Variants in WDR81 observed in about 807,000 individuals in gnomAD.
The protein encoded by WDR81 is WD repeat domain 81, also known as WD repeat-containing protein 81.
Under a neutral mutation model 140.8 loss-of-function variants are expected in WDR81, and 92 were observed. The ratio of observed to expected loss-of-function variants is 0.65; its 90% confidence interval spans 0.55 to 0.78. WDR81 has a LOEUF of 0.78. Among genes scored for constraint, WDR81 ranks in the 30% least tolerant of loss-of-function variants. WDR81 has a pLI of 0.00. For missense variants in WDR81, 2,502 were observed against 2,636.4 expected (o/e 0.95, Z 1.12); for synonymous variants, 1,183 against 1,156.4 (o/e 1.02, Z -0.47).
rs771130925 is a variant in WDR81 at position 1,725,380 on chromosome 17, G to T, written c.421G>T (p.Glu141Ter). 6.5e-7 allele frequency: 1 copy of T among 1,549,534 alleles called. No homozygotes were observed. The highest frequency in any genetic ancestry group is 8.7e-7 in the Non-Finnish European group (1 of 1,146,992). ...TGAGACCCTCACTCGCTTCATGCAG[G>T]AGGTTGCCGCCCAGAATTATCGCAA... ...GPETLTRFMQ[E>*]VAAQNYRNLW... The change falls in exon 1 of 10, where the codon GAG (glutamate) becomes TAG (stop). Residue 141 changes from glutamate to a stop codon, truncating the protein, a stop_gained. Transcript: ENST00000409644. LOFTEE classifies it high-confidence loss of function.
Position 1,725,693 on chromosome 17 carries a change from T to C in WDR81, c.734T>C (p.Val245Ala), listed in dbSNP as rs1376058908. Residue 245 changes from valine (V) to alanine (A), a missense_variant, in exon 1 of 10, where the codon GTG becomes GCG. Val to Ala is a moderately conservative substitution (Grantham distance 64). Around this residue, in one of 3 missense-constraint regions of WDR81, gnomAD observed 547 missense variants for 513.8 expected, o/e 1.06. Coordinates refer to ENST00000409644, the MANE Select transcript of WDR81 (RefSeq NM_001163809.2). The part of the protein sequence containing the change: ...HPYVQFSLHD[V>A]VTFSPAKLTN... ...TACGTACAGTTCTCCCTACATGACG[T>C]GGTCACCTTCAGCCCTGCCAAGCTG... 1.9e-6 allele frequency: 3 copies of C among 1,549,526 alleles called. No homozygotes were observed. Among genetic ancestry groups the C allele is most frequent in the Admixed American group, 2.0e-5 (1 of 50,996 alleles).
At position 1,732,369 on chromosome 17, in the gene WDR81, C is replaced by T. The variant is rs1904423654; in HGVS notation, c.4202C>T (p.Thr1401Ile). 6.2e-7 allele frequency: 1 copy of T among 1,613,622 alleles called. No individual in the cohort carries two copies. Among genetic ancestry groups the T allele is most frequent in the Non-Finnish European group, 8.5e-7 (1 of 1,180,030 alleles). ...GCTCGGACCATCCTGTGTGTGAAAA[C>T]CATCAGCCTCATCGCCCTCATCTGC... ...AQARTILCVK[T>I]ISLIALICLR... Residue 1401 changes from threonine to isoleucine, a missense_variant, in exon 5 of 10, where the codon ACC becomes ATC. By Grantham distance (89) the Thr-to-Ile change is moderately conservative. This residue lies in a region of WDR81 where 1,737 missense variants were observed against 1,843.0 expected (regional missense o/e 0.94). Coordinates refer to ENST00000409644, the MANE Select transcript of WDR81 (RefSeq NM_001163809.2).
Position 1,727,413 on chromosome 17 carries a change from G to A in WDR81, c.2454G>A (p.Leu818=). ...TRHPKEVPVS[L]QPVLDTLLQM... ...ACCCCAAGGAGGTCCCTGTGTCTTT[G>A]CAGCCCGTGCTGGACACACTCCTGC... The change falls in exon 1 of 10, where the codon TTG becomes TTA. Residue 818 remains leucine (L), a synonymous_variant. Transcript: ENST00000409644. 1.3e-6 allele frequency: 2 copies of A among 1,550,360 alleles called. No homozygotes were observed. The highest frequency in any genetic ancestry group is 1.7e-6 in the Non-Finnish European group (2 of 1,146,980).
At chr17:1,717,990 T>C (rs1411436452) in intron 1 of WDR81, among the ~76,000 whole-genome samples, 1 of 151,932 alleles carries the variant, frequency 6.6e-6, no homozygotes, top group Non-Finnish European at 1.5e-5. Flanking sequence ...AAACTTGGGG[T>C]TCAGAACGCT....
chr17:1,720,842 G>C (rs1402414479), upstream of WDR81, among the ~76,000 whole-genome samples: 1 of 151,808 alleles, frequency 6.6e-6, no homozygotes, highest in African/African-American at 2.4e-5. Flanking sequence ...GCCAGGGTTT[G>C]AGGCCCCAGG....
At position 1,724,786 on chromosome 17, in the gene WDR81, G is replaced by T. The variant is rs1444761907; in HGVS notation, c.-174G>T. ...GCCCGGAGCGCAGGACCCGCGGAGG[G>T]GTAAGCGCGCCCCCCGTCCGCCTCT... On this transcript the variant is annotated 5_prime_UTR_variant, in exon 1 of 10. Coordinates refer to ENST00000409644, the MANE Select transcript of WDR81 (RefSeq NM_001163809.2). 11 of 1,175,314 alleles carry T rather than the reference G, an allele frequency of 9.4e-6. No individual in the cohort carries two copies. In the African/African-American group the frequency reaches 1.4e-4, roughly 15 times the overall value. 72.8% of individuals were successfully genotyped at this position (1,175,314 alleles called of 1,614,324 possible).
At chr17:1,717,129 C>CA (rs1334339865) in intron 1 of WDR81, 3 of 164,962 alleles carry the variant, frequency 1.8e-5, no homozygotes, top group African/African-American at 7.2e-5. Context: ...GATTAACCCC[C>CA]ATTCAGTCCC....
chr17:1,732,151 C>T (rs569850802), intron 4 of WDR81, among the ~76,000 whole-genome samples, 174 bp from the exon 5 acceptor site: 14 of 152,052 alleles, frequency 9.2e-5, no homozygotes, highest in East Asian at 3.9e-4. Context: ...GCAGGAGAAT[C>T]GCTTGAACCC....
chr17:1,736,221 G>C lies in WDR81; in HGVS notation c.5505+3G>C. 1 of 1,593,904 alleles carries C rather than the reference G, an allele frequency of 6.3e-7. No homozygotes were observed. The highest frequency in any genetic ancestry group is 8.5e-7 in the Non-Finnish European group (1 of 1,177,068). On this transcript the variant is annotated splice_donor_region_variant and intron_variant, in intron 9 of 9. Coordinates refer to ENST00000409644, the MANE Select transcript of WDR81 (RefSeq NM_001163809.2). Reference sequence around the variant, plus strand: ...AGGGGGACATTCTGCAGATCAAGGTGACGGGCCGGGTCTCCCTCCCCTTGC... The same window carrying C: ...AGGGGGACATTCTGCAGATCAAGGTCACGGGCCGGGTCTCCCTCCCCTTGC...
rs1424537143 is a variant in WDR81, at chr17:1,733,677, G to T, written c.4640G>T (p.Gly1547Val). The T allele has an allele frequency of 1.9e-6, 3 of 1,610,660 alleles. No individual in the cohort carries two copies. The highest frequency in any genetic ancestry group is 1.3e-5 in the African/African-American group (1 of 74,878). ...GGGCCCGAGTGGGACCCCCATGGTG[G>T]GGGCTGCCCTCAGGATGACGGCCAC... The part of the protein sequence containing the change: ...GTGPEWDPHG[G>V]GCPQDDGHSG... Residue 1547 changes from glycine (G) to valine (V), a missense_variant, in exon 7 of 10, where the codon GGG (glycine) becomes GTG (valine). Gly to Val is a moderately radical substitution (Grantham distance 109). Around this residue, in one of 3 missense-constraint regions of WDR81, gnomAD observed 1,737 missense variants for 1,843.0 expected, o/e 0.94. Coordinates refer to ENST00000409644, the MANE Select transcript of WDR81 (RefSeq NM_001163809.2).
chr17:1,737,316 T>A, intron 9 of WDR81, 49 bp from the exon 10 acceptor site: 3 of 1,534,674 alleles, frequency 2.0e-6, no homozygotes, highest in Non-Finnish European at 1.8e-6. Flanking sequence ...GGCCCAAGGG[T>A]ATGCAGAAGG....
chr17:1,721,580 G>A (rs1052811329), upstream of WDR81, among the ~76,000 whole-genome samples: 3 of 150,880 alleles, frequency 2.0e-5, no homozygotes, highest in African/African-American at 5.0e-5. Flanking sequence ...CCAGCATTTT[G>A]AGAGGCCGAG....
chr17:1,734,186 G>T lies in WDR81; in HGVS notation c.5149G>T (p.Gly1717Trp), dbSNP rs567180491. 1 of 1,595,200 alleles carries T rather than the reference G, an allele frequency of 6.3e-7. No homozygotes were observed. The highest frequency in any genetic ancestry group is 2.2e-5 in the East Asian group (1 of 44,800). ...EAPQHVVSCD[G>W]AVHVWDPFTG... ...CCCGCAGCACGTGGTGAGCTGTGAC[G>T]GGGCTGTGCACGTCTGGGACCCCTT... The change falls in exon 7 of 10, where the codon GGG becomes TGG. Residue 1717 changes from glycine to tryptophan, a missense_variant. Physicochemically the swap from Gly to Trp is radical, Grantham distance 184. Transcript: ENST00000409644.
At position 1,735,762 on chromosome 17, in the gene WDR81, G is replaced by A. The variant is rs1904810079; in HGVS notation, c.5325+45G>A. 2 of 1,568,374 alleles carry A rather than the reference G, an allele frequency of 1.3e-6. No individual in the cohort carries two copies. Among genetic ancestry groups the A allele is most frequent in the Non-Finnish European group, 1.7e-6 (2 of 1,156,650 alleles). On this transcript the variant is annotated intron_variant, in intron 8 of 9. Transcript: ENST00000409644. This position sits in a 1 kb window ranked among gnomAD's most constrained non-coding sequence, Gnocchi z 4.2. ...CTGAGCACTCGCCTGGTTCTCTGGG[G>A]ACCTGGCAAGGAGGAGAGACTCCCC... is the stretch of plus-strand genomic sequence containing the variant.
At position 1,725,893 on chromosome 17, in the gene WDR81, G is replaced by A. The variant is rs757028154; in HGVS notation, c.934G>A (p.Asp312Asn). 55 of 1,550,750 alleles carry A rather than the reference G, an allele frequency of 3.5e-5. No individual in the cohort carries two copies. The highest frequency in any genetic ancestry group is 2.4e-5 in the Non-Finnish European group (28 of 1,146,970). ...DLSAYERPEE[D>N]ENEEAPVARD... ...GAGTGCTTATGAGAGGCCCGAGGAG[G>A]ACGAGAATGAGGAGGCCCCTGTGGC... is the stretch of plus-strand genomic sequence containing the variant. The change falls in exon 1 of 10, where the codon GAC becomes AAC. Residue 312 changes from aspartate to asparagine, a missense_variant. Physicochemically the swap from Asp to Asn is conservative, Grantham distance 23. This residue lies in a region of WDR81 where 547 missense variants were observed against 513.8 expected (regional missense o/e 1.06). Coordinates refer to ENST00000409644, the MANE Select transcript of WDR81 (RefSeq NM_001163809.2).
chr17:1,731,159 T>C lies in WDR81; in HGVS notation c.4058T>C (p.Ile1353Thr), dbSNP rs746478142. The C allele has an allele frequency of 9.9e-6, 16 of 1,613,308 alleles. No individual in the cohort carries two copies. The highest frequency in any genetic ancestry group is 1.3e-5 in the Non-Finnish European group (15 of 1,180,016). Residue 1353 changes from isoleucine (I) to threonine (T), a missense_variant, in exon 4 of 10, where the codon ATC becomes ACC. Coordinates refer to ENST00000409644, the MANE Select transcript of WDR81 (RefSeq NM_001163809.2). Reference protein sequence around the residue: ...LAAVTLTQKIIVYLSDTTLMD... With the variant: ...LAAVTLTQKITVYLSDTTLMD... ...GCGGTGACGCTGACTCAGAAGATCA[T>C]CGTGTACCTCTCAGACACCACACTC...
Position 1,733,631 on chromosome 17 carries a change from G to C in WDR81, c.4594G>C (p.Glu1532Gln), listed in dbSNP as rs1251504129. The C allele has an allele frequency of 6.3e-7, 1 of 1,599,710 alleles. No homozygotes were observed. The highest frequency in any genetic ancestry group is 1.1e-5 in the South Asian group (1 of 89,616). Residue 1532 changes from glutamate to glutamine, a missense_variant, in exon 7 of 10, where the codon GAG (glutamate) becomes CAG (glutamine). By Grantham distance (29) the Glu-to-Gln change is conservative. Around this residue, in one of 3 missense-constraint regions of WDR81, gnomAD observed 1,737 missense variants for 1,843.0 expected, o/e 0.94. Coordinates refer to ENST00000409644, the MANE Select transcript of WDR81 (RefSeq NM_001163809.2). ...CAGCAGTCGCAACCCTGCCAGCGTG[G>C]AGCCCACCATGCCCGGCACCGGGCC... ...SPSSRNPASVEPTMPGTGPEW... is the reference protein window; with the variant it reads ...SPSSRNPASVQPTMPGTGPEW...
chr17:1,724,173 G>A (rs1915049306), upstream of WDR81, among the ~76,000 whole-genome samples: 1 of 152,012 alleles, frequency 6.6e-6, no homozygotes, highest in Non-Finnish European at 1.5e-5. Flanking sequence ...GATCAGCCTG[G>A]CCAACAAGGC....
Position 1,726,863 on chromosome 17 carries a change from G to A in WDR81, c.1904G>A (p.Arg635Gln), listed in dbSNP as rs767470588. The A allele has an allele frequency of 5.0e-5, 78 of 1,550,194 alleles. No individual in the cohort carries two copies. The highest frequency in any genetic ancestry group is 1.2e-4 in the Admixed American group (6 of 50,964). Residue 635 changes from arginine (R) to glutamine (Q), a missense_variant, in exon 1 of 10, where the codon CGG becomes CAG. This residue lies in a region of WDR81 where 1,737 missense variants were observed against 1,843.0 expected (regional missense o/e 0.94). Transcript: ENST00000409644. ...GGACAGCTTCCAAATGGAGTGGGCC[G>A]GCCAGTTTTAGAGGCCACTCCCTGT... ...NPGQLPNGVG[R>Q]PVLEATPCEA...
Sources: allele counts gnomAD v4.1 joint callset (sites outside exome capture counted in the v4.1 genomes callset), GRCh38; gene constraint gnomAD v4.1.1; regional missense constraint gnomAD v4.1.1; non-coding constraint Gnocchi (gnomAD v3.1); transcripts MANE v1.5; gene names NCBI Gene and HGNC (gene_info 2026-07-23, HGNC 2026-07-21).